SMARCC1: variants seen among roughly 807,000 people sequenced by gnomAD.
The protein encoded by SMARCC1 is SWI/SNF complex subunit SMARCC1.
Under a neutral mutation model 147.4 loss-of-function variants are expected in SMARCC1, and 43 were observed. The ratio of observed to expected loss-of-function variants is 0.29; its 90% CI spans 0.23 to 0.38. The LOEUF is 0.38. Among genes scored for constraint, SMARCC1 ranks in the 10% least tolerant of loss-of-function variants. The probability of loss-of-function intolerance (pLI) is 1.00; values close to 1 mark genes in which losing one functional copy is unlikely to be tolerated. For synonymous variants in SMARCC1, 495 were observed against 484.4 expected (o/e 1.02, Z -0.29); for missense variants, 1,119 against 1,381.1 (o/e 0.81, Z 3.01).
chr3:47,613,533 T>A (rs1276693686), intron 25 of SMARCC1, among the ~76,000 whole-genome samples: 1 of 152,066 alleles, frequency 6.6e-6, no homozygotes, highest in African/African-American at 2.4e-5. Context: ...CTAATTTTTG[T>A]ATTTTTAGTA....
intron 24 of SMARCC1, among the ~76,000 whole-genome samples, chr3:47,632,930 T>C (rs181699803): frequency 3.6e-4 from 54 of 151,084 alleles, no homozygotes; most frequent in African/African-American, 1.2e-3. Context: ...TTTTTAAAGA[T>C]TTCTGCACAT....
chr3:47,726,793 G>A (rs2034304906), intron 6 of SMARCC1, among the ~76,000 whole-genome samples: 1 of 152,092 alleles, frequency 6.6e-6, no homozygotes, highest in South Asian at 2.1e-4. Context: ...TAACAACCAT[G>A]TTATATTCAG....
At chr3:47,611,097 A>G (rs2032557889) in intron 25 of SMARCC1, among the ~76,000 whole-genome samples, 1 of 152,264 alleles carries the variant, frequency 6.6e-6, no homozygotes, top group African/African-American at 2.4e-5. Flanking sequence ...CAGAGAATGA[A>G]GCCTATCCTA....
chr3:47,769,888 A>AGGGCAAATCCTAC (rs1256893453), intron 2 of SMARCC1, among the ~76,000 whole-genome samples: 1 of 152,198 alleles, frequency 6.6e-6, no homozygotes, highest in African/African-American at 2.4e-5. Flanking sequence ...TTCCCACACT[A>AGGGCAAATCCTAC]ACTACCAGGG....
At position 47,777,871 on chromosome 3, in the gene SMARCC1, AG is replaced by A. The variant is rs1427499371; in HGVS notation, c.195+3731del. ...AACTATAAAATATTTAATTCTGATT[AG>A]ATTTTTTTTCCAAATCATCCTACCA... On this transcript the variant is annotated intron_variant, in intron 1 of 27. Coordinates refer to ENST00000254480, the MANE Select transcript of SMARCC1 (RefSeq NM_003074.4). Among the ~76,000 whole-genome samples, 14 of 152,130 alleles carry A rather than the reference AG, an allele frequency of 9.2e-5. No homozygotes were observed. The East Asian group carries it at 2.7e-3, about 30-fold the overall frequency.
At chr3:47,690,436 A>G (rs563328793) in intron 12 of SMARCC1, among the ~76,000 whole-genome samples, 76 of 152,298 alleles carry the variant, frequency 5.0e-4, no homozygotes, top group African/African-American at 1.8e-3. Flanking sequence ...AAGAGATGAG[A>G]AAGACAAGGT....
intron 24 of SMARCC1, among the ~76,000 whole-genome samples, chr3:47,627,468 T>C (rs1179021198): frequency 2.6e-5 from 4 of 152,140 alleles, no homozygotes; most frequent in Admixed American, 6.6e-5. Flanking sequence ...AGGCAGAATT[T>C]AGAGGAAATA....
At chr3:47,727,246 C>T (rs1006356164) in intron 6 of SMARCC1, among the ~76,000 whole-genome samples, 8 of 151,842 alleles carry the variant, frequency 5.3e-5, no homozygotes, top group South Asian at 2.1e-4. Context: ...CGGTGGCTAA[C>T]GCCTATAATC....
rs1389624423 is a variant in SMARCC1 at position 47,586,367 on chromosome 3, A to G, written c.*1842T>C. The G allele has an allele frequency of 6.6e-6, 1 of 152,234 alleles. No homozygotes were observed. The highest frequency in any genetic ancestry group is 2.4e-5 in the African/African-American group (1 of 41,466). 9.4% of individuals were successfully genotyped at this position (152,234 alleles called of 1,614,324 possible). ...AGTAGGTAAAACCCTGGCCATTGTCAAAAGGCACTGGGGTCTTTCTGGAGC... is the reference window on the plus strand; with the variant it reads ...AGTAGGTAAAACCCTGGCCATTGTCGAAAGGCACTGGGGTCTTTCTGGAGC... On this transcript the variant is annotated 3_prime_UTR_variant, in exon 28 of 28. Transcript: ENST00000254480.
intron 8 of SMARCC1, among the ~76,000 whole-genome samples, chr3:47,711,240 C>T (rs1456182641): frequency 6.6e-6 from 1 of 152,192 alleles, no homozygotes; most frequent in Non-Finnish European, 1.5e-5. Context: ...ATCATGTACA[C>T]ATGGTGCTCT....
chr3:47,699,905 TA>T (rs2033896982), intron 11 of SMARCC1, among the ~76,000 whole-genome samples: 1 of 152,110 alleles, frequency 6.6e-6, no homozygotes, highest in African/African-American at 2.4e-5. Flanking sequence ...CTGGTTTTCC[TA>T]GGCTTTTTTT....
At chr3:47,742,958 A>G (rs578225719) in intron 3 of SMARCC1, among the ~76,000 whole-genome samples, 8 of 152,324 alleles carry the variant, frequency 5.3e-5, no homozygotes, top group African/African-American at 1.9e-4. Flanking sequence ...TCAACCTCAT[A>G]TGCATGACAT....
At chr3:47,753,712 C>CAAAAA (rs71070226) in intron 2 of SMARCC1, among the ~76,000 whole-genome samples, 11 of 69,566 alleles carry the variant, frequency 1.6e-4, no homozygotes, top group South Asian at 6.3e-4. Flanking sequence ...AACTCCATCT[C>CAAAAA]AAAAAAAAAA....
chr3:47,683,930 T>C (rs973623241), intron 14 of SMARCC1, among the ~76,000 whole-genome samples: 6 of 151,286 alleles, frequency 4.0e-5, no homozygotes, highest in Non-Finnish European at 8.8e-5. Flanking sequence ...TAATATTAAA[T>C]AGTCACATCT....
chr3:47,626,459 A>T (rs540291395), intron 24 of SMARCC1, among the ~76,000 whole-genome samples: 1,872 of 25,876 alleles, frequency 0.072, 35 homozygotes, highest in Admixed American at 0.21. Flanking sequence ...CCCTGTCTTT[A>T]AAAAAAAAAA....
intron 24 of SMARCC1, among the ~76,000 whole-genome samples, chr3:47,626,298 C>G (rs765046872): frequency 2.0e-5 from 3 of 151,644 alleles, no homozygotes; most frequent in Non-Finnish European, 1.5e-5. Flanking sequence ...AGGCGCCCGC[C>G]ACCAAGCCCG....
Position 47,772,945 on chromosome 3 carries a change from T to A in SMARCC1, c.196-9A>T. ...GCATCCGCATGAACATACTGCAAGA[T>A]AAAGACAGGCATTCAAAAACTAGTA... is the stretch of plus-strand genomic sequence containing the variant. On this transcript the variant is annotated splice_polypyrimidine_tract_variant and intron_variant, in intron 1 of 27. Transcript: ENST00000254480. 3 of 1,608,820 alleles carry A rather than the reference T, an allele frequency of 1.9e-6. No individual in the cohort carries two copies. Among genetic ancestry groups the A allele is most frequent in the Non-Finnish European group, 2.5e-6 (3 of 1,177,004 alleles).
intron 18 of SMARCC1, among the ~76,000 whole-genome samples, chr3:47,671,114 T>C (rs2033490696): frequency 7.8e-6 from 1 of 127,754 alleles, no homozygotes; most frequent in South Asian, 2.6e-4. Context: ...AGGCAGAGGT[T>C]GCAGTGAGCC....
At chr3:47,655,431 C>T (rs2033248529) in intron 21 of SMARCC1, among the ~76,000 whole-genome samples, 1 of 150,674 alleles carries the variant, frequency 6.6e-6, no homozygotes, top group African/African-American at 2.4e-5. Flanking sequence ...GCACGGTGGC[C>T]CACGTCCATA....
Sources: allele counts gnomAD v4.1 joint callset (sites outside exome capture counted in the v4.1 genomes callset), GRCh38; gene constraint gnomAD v4.1.1; transcripts MANE v1.5; gene names NCBI Gene and HGNC (gene_info 2026-07-23, HGNC 2026-07-21).